CHKA: variants seen among roughly 807,000 people sequenced by gnomAD.
The protein encoded by CHKA is choline kinase alpha.
Under a neutral mutation model 60.1 loss-of-function variants are expected in CHKA, and 34 were observed. That is an observed-to-expected ratio of 0.57 (90% CI 0.43 to 0.75). The LOEUF (loss-of-function observed/expected upper bound fraction) is 0.75, where lower values mean the gene tolerates loss of function less well. Among genes scored for constraint, CHKA ranks in the 30% least tolerant of loss-of-function variants. The pLI is 0.00. For missense variants in CHKA, 563 were observed against 561.3 expected (o/e 1.00, Z -0.03); for synonymous variants, 217 against 223.1 (o/e 0.97, Z 0.24).
chr11:68,080,270 G>T (rs1043481976), intron 3 of CHKA, among the ~76,000 whole-genome samples: 1 of 152,106 alleles, frequency 6.6e-6, no homozygotes, highest in African/African-American at 2.4e-5. Context: ...AAAACAAGCC[G>T]CTGAAAAGTG....
intron 2 of CHKA, among the ~76,000 whole-genome samples, chr11:68,085,752 GTTTT>G (rs1049978097): frequency 6.6e-6 from 1 of 151,792 alleles, no homozygotes; most frequent in African/African-American, 2.4e-5. Context: ...AGGCTTTGGG[GTTTT>G]TTTGTTTGTT....
Position 68,097,106 on chromosome 11 carries a change from G to T in CHKA, c.375C>A (p.Phe125Leu). Residue 125 changes from phenylalanine (F) to leucine (L), a missense_variant, in exon 2 of 12, where the codon TTC becomes TTA. Phe to Leu is a conservative substitution (Grantham distance 22). Coordinates refer to ENST00000265689, the MANE Select transcript of CHKA (RefSeq NM_001277.3). ...VIRGGLSNML[F>L]QCSLPDTTAT... ...CTGTGGTGTCAGGTAGGGAGCACTG[G>T]AACAGCATGTTGCTAAGGCCGCCTC... 6.2e-7 allele frequency: 1 copy of T among 1,613,652 alleles called. No individual in the cohort carries two copies. The highest frequency in any genetic ancestry group is 8.5e-7 in the Non-Finnish European group (1 of 1,179,802).
At chr11:68,097,215 G>T in intron 1 of CHKA, 85 bp from the exon 2 acceptor site, 1 of 964,698 alleles carries the variant, frequency 1.0e-6, no homozygotes. Flanking sequence ...GAAAAGTCAG[G>T]GTTACACAAG....
chr11:68,066,299 A>G, intron 8 of CHKA, 130 bp downstream of exon 8: 1 of 743,454 alleles, frequency 1.3e-6, no homozygotes, highest in Non-Finnish European at 2.3e-6. Context: ...ACGAGAAGCC[A>G]CTGATTCCAG....
Position 68,065,901 on chromosome 11 carries a change from T to TA in CHKA, c.1017-8dup. ...ATTTCCAATGTCGAATCCCCTGAAA[T>TA]AAGACATAAGACAGTGCACACAATG... On this transcript the variant is annotated splice_polypyrimidine_tract_variant and splice_region_variant and intron_variant, in intron 8 of 11. Transcript: ENST00000265689. 3 of 1,572,680 alleles carry TA rather than the reference T, an allele frequency of 1.9e-6. No homozygotes were observed. The highest frequency in any genetic ancestry group is 2.6e-6 in the Non-Finnish European group (3 of 1,145,878).
intron 1 of CHKA, among the ~76,000 whole-genome samples, chr11:68,105,514 C>CAAAAAAAAAAAAAAA (rs1170085830): frequency 9.7e-4 from 63 of 64,954 alleles, no homozygotes; most frequent in East Asian, 1.5e-3. Context: ...GACTCCATCT[C>CAAAAAAAAAAAAAAA]AAAAAAAAAA....
intron 4 of CHKA, 93 bp from the exon 5 acceptor site, chr11:68,070,950 A>G: frequency 7.9e-7 from 1 of 1,271,154 alleles, no homozygotes; most frequent in Non-Finnish European, 1.1e-6. Flanking sequence ...GTGTTTTTGT[A>G]GTGCATTTAA....
At chr11:68,075,788 T>A (rs1327388332) in intron 3 of CHKA, among the ~76,000 whole-genome samples, 1 of 151,896 alleles carries the variant, frequency 6.6e-6, no homozygotes, top group African/African-American at 2.4e-5. Context: ...AGTCTCTTTT[T>A]AAAAAAAAGA....
rs770521460 is a variant in CHKA at position 68,053,414 on chromosome 11, C to T, written c.*574G>A. 9.9e-4 allele frequency: 152 copies of T among 153,288 alleles called. No homozygotes were observed. The Middle Eastern group carries it at 0.01, about 10-fold the overall frequency. 9.5% of individuals were successfully genotyped at this position (153,288 alleles called of 1,614,324 possible). On this transcript the variant is annotated 3_prime_UTR_variant, in exon 12 of 12. Coordinates refer to ENST00000265689, the MANE Select transcript of CHKA (RefSeq NM_001277.3). Reference sequence around the variant, plus strand: ...GCGGCCTTGGCTGCTCCAGAGCAATCCGCTGCTCCAGCTTCAGCCATGGGA... The same window carrying T: ...GCGGCCTTGGCTGCTCCAGAGCAATTCGCTGCTCCAGCTTCAGCCATGGGA...
chr11:68,121,104 C>T lies in CHKA; in HGVS notation c.74G>A (p.Gly25Asp). Reference protein sequence around the residue: ...PLGLLLSCGSGSAAPAPGVGQ... With the variant: ...PLGLLLSCGSDSAAPAPGVGQ... ...CACGCCGGGCGCCGGGGCCGCGCTG[C>T]CGCTACCGCAGCTCAGCAGCAGCCC... Residue 25 changes from glycine (G) to aspartate (D), a missense_variant, in exon 1 of 12, where the codon GGC (glycine) becomes GAC (aspartate). By Grantham distance (94) the Gly-to-Asp change is moderately conservative (BLOSUM62 -1). Transcript: ENST00000265689. 1 of 1,160,474 alleles carries T rather than the reference C, an allele frequency of 8.6e-7. No individual in the cohort carries two copies. Among genetic ancestry groups the T allele is most frequent in the African/African-American group, 1.6e-5 (1 of 60,640 alleles). 71.9% of individuals were successfully genotyped at this position (1,160,474 alleles called of 1,614,324 possible).
intron 2 of CHKA, among the ~76,000 whole-genome samples, chr11:68,092,625 C>T (rs1306969288): frequency 1.3e-5 from 2 of 152,144 alleles, no homozygotes; most frequent in Non-Finnish European, 2.9e-5. Context: ...TTTTGGAGTT[C>T]TTGATTTTGG....
intron 1 of CHKA, among the ~76,000 whole-genome samples, chr11:68,100,616 A>AATAC (rs1156376317): frequency 2.0e-5 from 3 of 151,144 alleles, no homozygotes; most frequent in Non-Finnish European, 4.4e-5. Context: ...TAAATAAATA[A>AATAC]ATAAATAAAT....
At chr11:68,107,330 T>C (rs1857950869) in intron 1 of CHKA, among the ~76,000 whole-genome samples, 1 of 152,160 alleles carries the variant, frequency 6.6e-6, no homozygotes, top group African/African-American at 2.4e-5. Flanking sequence ...ACTTTTTTTA[T>C]CATTCTTTCT....
At chr11:68,076,397 G>C (rs1033199464) in intron 3 of CHKA, among the ~76,000 whole-genome samples, 5 of 152,158 alleles carry the variant, frequency 3.3e-5, no homozygotes, top group African/African-American at 1.2e-4. Context: ...TCCTATGGTA[G>C]TGTTGTCCAG....
chr11:68,064,629 G>A lies in CHKA; in HGVS notation c.1128C>T (p.Leu376=), dbSNP rs750555336. 1.3e-5 allele frequency: 21 copies of A among 1,569,372 alleles called. No individual in the cohort carries two copies. In the African/African-American group the frequency reaches 2.7e-4, roughly 21 times the overall value. Residue 376 remains leucine, a splice_region_variant and synonymous_variant, in exon 10 of 12, where the codon CTC becomes CTT. Transcript: ENST00000265689. ...CAGGCAAGTAACTGGAAATAAAATG[G>A]AGCTTAAAAAAAAGTAATTGTGTTA... ...IRKYPTKKQQ[L]HFISSYLPAF... is the part of the protein sequence containing the mutation.
At chr11:68,069,908 C>A (rs1401149124) in intron 6 of CHKA, among the ~76,000 whole-genome samples, 6 of 152,162 alleles carry the variant, frequency 3.9e-5, no homozygotes, top group African/African-American at 1.4e-4. Flanking sequence ...CCCCACCAGA[C>A]ACTCTACTGC....
intron 3 of CHKA, 123 bp downstream of exon 3, chr11:68,081,281 C>T: frequency 2.8e-6 from 2 of 718,082 alleles, no homozygotes; most frequent in South Asian, 1.7e-5. Flanking sequence ...AGCCCCTCCT[C>T]GTAGAAAGAT....
chr11:68,089,005 A>G (rs571924095), intron 2 of CHKA, among the ~76,000 whole-genome samples: 70 of 152,370 alleles, frequency 4.6e-4, no homozygotes, highest in Admixed American at 4.1e-3. Context: ...GGTAGTCTCT[A>G]GAGTGTCTTC....
intron 11 of CHKA, among the ~76,000 whole-genome samples, chr11:68,055,501 T>C (rs953171510): frequency 6.6e-6 from 1 of 152,218 alleles, no homozygotes; most frequent in African/African-American, 2.4e-5. Context: ...TGCTGGGTGG[T>C]CTAACCCATC....
Sources: gnomAD v4.1 joint callset for allele counts (sites outside exome capture counted in the v4.1 genomes callset) on GRCh38, gnomAD v4.1.1 for gene constraint, MANE v1.5 for transcripts, NCBI Gene and HGNC (gene_info 2026-07-23, HGNC 2026-07-21) for gene names.